Variants in ZEB1 observed in about 807,000 individuals in gnomAD.
The protein encoded by ZEB1 is zinc finger E-box binding homeobox 1, also known as zinc finger E-box-binding homeobox 1.
Under a neutral mutation model 84.9 loss-of-function variants are expected in ZEB1, and 21 were observed. That is an observed-to-expected ratio of 0.25 (90% CI 0.18 to 0.36). The LOEUF (loss-of-function observed/expected upper bound fraction) is 0.36, where lower values mean the gene tolerates loss of function less well. ZEB1 is among the 10% of genes least tolerant of loss of function. ZEB1 has a pLI of 1.00. For missense variants in ZEB1, 1,104 were observed against 1,330.2 expected (o/e 0.83, Z 2.65); for synonymous variants, 420 against 471.1 (o/e 0.89, Z 1.41).
chr10:31,381,990 G>A (rs987533445), intron 1 of ZEB1, among the ~76,000 whole-genome samples: 17 of 116,392 alleles, frequency 1.5e-4, no homozygotes, highest in South Asian at 2.9e-4. Flanking sequence ...CAGACTGGGC[G>A]ACAGTGAGAC....
At chr10:31,444,144 T>G (rs916735050) in intron 1 of ZEB1, among the ~76,000 whole-genome samples, 1 of 150,862 alleles carries the variant, frequency 6.6e-6, no homozygotes, top group Non-Finnish European at 1.5e-5. Flanking sequence ...GGTTTTGATT[T>G]GCATTTCTCT....
intron 1 of ZEB1, among the ~76,000 whole-genome samples, chr10:31,330,697 G>A (rs1288815835): frequency 2.6e-5 from 4 of 152,066 alleles, no homozygotes; most frequent in Non-Finnish European, 5.9e-5. Flanking sequence ...CTTTGTTATA[G>A]CTAAAGAAAA....
At chr10:31,427,859 A>AACTGAGCAAGACTCCATCTC (rs1491197054) in intron 1 of ZEB1, among the ~76,000 whole-genome samples, 1,710 of 129,274 alleles carry the variant, frequency 0.013, 29 homozygotes, top group South Asian at 0.066. Context: ...ACTCCATCTC[A>AACTGAGCAAGACTCCATCTC]AAAAAAAAAA....
At chr10:31,502,922 C>T (rs2068368579) in intron 4 of ZEB1, among the ~76,000 whole-genome samples, 1 of 152,040 alleles carries the variant, frequency 6.6e-6, no homozygotes, top group African/African-American at 2.4e-5. Flanking sequence ...CTGAATCTGC[C>T]TTAGTCCACT....
intron 1 of ZEB1, among the ~76,000 whole-genome samples, chr10:31,430,946 T>C (rs1403062120): frequency 2.0e-5 from 3 of 152,236 alleles, no homozygotes; most frequent in Admixed American, 2.0e-4. Context: ...CAACTTACAG[T>C]ATACAGTCTT....
intron 1 of ZEB1, among the ~76,000 whole-genome samples, chr10:31,416,471 C>T (rs1270479768): frequency 2.0e-5 from 3 of 151,938 alleles, no homozygotes; most frequent in African/African-American, 7.3e-5. Flanking sequence ...TTGAACCAAA[C>T]GATTAAATGG....
At chr10:31,389,563 G>C (rs2049240055) in intron 1 of ZEB1, 1 of 152,034 alleles carries the variant, frequency 6.6e-6, no homozygotes, top group Non-Finnish European at 1.5e-5. Flanking sequence ...AGGGAGGTGA[G>C]AGAAGCAGTC....
intron 1 of ZEB1, among the ~76,000 whole-genome samples, chr10:31,441,853 A>G (rs1348634974): frequency 1.3e-5 from 2 of 152,246 alleles, no homozygotes; most frequent in Non-Finnish European, 2.9e-5. Context: ...CAAAACCACA[A>G]TGAGATACCA....
At chr10:31,333,940 A>G (rs944529701) in intron 1 of ZEB1, among the ~76,000 whole-genome samples, 12 of 152,088 alleles carry the variant, frequency 7.9e-5, no homozygotes, top group Admixed American at 2.6e-4. Flanking sequence ...TTTGAGGCAG[A>G]AAACCTGTCC....
At chr10:31,386,102 C>G (rs2048598324) in intron 1 of ZEB1, among the ~76,000 whole-genome samples, 1 of 151,880 alleles carries the variant, frequency 6.6e-6, no homozygotes, top group African/African-American at 2.4e-5. Context: ...TTATATCGAT[C>G]TACTCTCTAT....
rs1020722438 is a variant in ZEB1 at position 31,505,446 on chromosome 10, A to G, written c.484+2937A>G. Among the ~76,000 whole-genome samples the G allele has an allele frequency of 2.6e-5, 4 of 152,104 alleles. No homozygotes were observed. The South Asian group carries it at 6.2e-4, about 24-fold the overall frequency. On this transcript the variant is annotated intron_variant, in intron 4 of 8. Transcript: ENST00000424869. ...ACTTGAAATATTCATTATGGATTCAATCTCATTACTCATTATTGGTCTGTT... is the reference window on the plus strand; with the variant it reads ...ACTTGAAATATTCATTATGGATTCAGTCTCATTACTCATTATTGGTCTGTT...
At chr10:31,440,737 T>C (rs1591289913) in intron 1 of ZEB1, among the ~76,000 whole-genome samples, 1 of 152,030 alleles carries the variant, frequency 6.6e-6, no homozygotes, top group Non-Finnish European at 1.5e-5. Context: ...ATGGGCAAAA[T>C]CACAAGCATT....
At chr10:31,402,112 G>A (rs536686353) in intron 1 of ZEB1, among the ~76,000 whole-genome samples, 108 of 142,578 alleles carry the variant, frequency 7.6e-4, no homozygotes, top group African/African-American at 2.9e-3. Context: ...TGTTGTTGCT[G>A]TTGTTGTTGT....
intron 1 of ZEB1, among the ~76,000 whole-genome samples, chr10:31,327,324 T>A (rs1417991637): frequency 1.3e-5 from 2 of 152,104 alleles, no homozygotes; most frequent in East Asian, 3.9e-4. Context: ...TTAGCCAGGC[T>A]GGTCTCAAAC....
rs368017104 is a variant in ZEB1, at chr10:31,393,571, TA to T, written c.59-67462del. Among the ~76,000 whole-genome samples, 137 of 152,294 alleles carry T rather than the reference TA, an allele frequency of 9.0e-4. 1 individual carries two copies. The highest frequency in any genetic ancestry group is 3.2e-3 in the African/African-American group (131 of 41,562). ...ATTAAATATTTTTGTGACTTCTCAT[TA>T]AAAGAAACTGAAGCAATTAGTTGAC... On this transcript the variant is annotated intron_variant, in intron 1 of 8. Coordinates refer to ENST00000424869, the MANE Select transcript of ZEB1 (RefSeq NM_001174096.2).
chr10:31,365,753 A>G (rs1210066777), intron 1 of ZEB1, among the ~76,000 whole-genome samples: 1 of 152,194 alleles, frequency 6.6e-6, no homozygotes, highest in Non-Finnish European at 1.5e-5. Context: ...TTTTTTGAAA[A>G]AGTAGGGGTG....
At chr10:31,483,955 C>T (rs577512087) in intron 2 of ZEB1, among the ~76,000 whole-genome samples, 1 of 152,116 alleles carries the variant, frequency 6.6e-6, no homozygotes, top group East Asian at 1.9e-4. Context: ...CAGATGGTGG[C>T]ATAGTCAGAT....
chr10:31,527,420 C>CACACACACAT lies in ZEB1; in HGVS notation c.*165_*166insTACACACACA, dbSNP rs2073704589. 3 of 577,510 alleles carry CACACACACAT rather than the reference C, an allele frequency of 5.2e-6. No individual in the cohort carries two copies. Among genetic ancestry groups the CACACACACAT allele is most frequent in the African/African-American group, 2.2e-5 (1 of 44,476 alleles). The allele number at this position is 577,510 out of a possible 1,614,324, so 35.8% of individuals were successfully genotyped here. On this transcript the variant is annotated 3_prime_UTR_variant, in exon 9 of 9. Transcript: ENST00000424869. Reference sequence around the variant, plus strand: ...AAAAATACAAAATACAAAACACACACACACACACACACACACACACACACA... The same window carrying CACACACACAT: ...AAAAATACAAAATACAAAACACACACACACACACATACACACACACACACACACACACACA...
intron 5 of ZEB1, among the ~76,000 whole-genome samples, chr10:31,511,918 A>G (rs2070120118): frequency 1.3e-5 from 2 of 152,282 alleles, no homozygotes; most frequent in African/African-American, 2.4e-5. Flanking sequence ...ACAAGATAAT[A>G]AGAAGAGGGT....
Sources: allele counts gnomAD v4.1 joint callset (sites outside exome capture counted in the v4.1 genomes callset), GRCh38; gene constraint gnomAD v4.1.1; transcripts MANE v1.5; gene names NCBI Gene and HGNC (gene_info 2026-07-23, HGNC 2026-07-21).